The following PTPRG variants were observed in gnomAD, a reference collection of about 807,000 sequenced individuals.
The protein encoded by PTPRG is protein tyrosine phosphatase receptor type G.
In PTPRG, 102 loss-of-function variants were observed where a neutral mutation model predicts 165.3. The ratio of observed to expected loss-of-function variants is 0.62; its 90% CI spans 0.53 to 0.73. The LOEUF (loss-of-function observed/expected upper bound fraction) is 0.73, where lower values mean the gene tolerates loss of function less well. Ranked by LOEUF, PTPRG falls within the 30% of genes least tolerant of loss-of-function variation. The pLI is 0.00. For missense variants in PTPRG, 1,866 were observed against 1,861.4 expected, an observed-to-expected ratio of 1.00 and a Z score of -0.05; for synonymous variants, 675 against 669.5, an observed-to-expected ratio of 1.01 and a Z score of -0.13.
intron 5 of PTPRG, among the ~76,000 whole-genome samples, chr3:62,087,154 G>A (rs1436517542): frequency 6.6e-6 from 1 of 152,194 alleles, no homozygotes; most frequent in Non-Finnish European, 1.5e-5. Context: ...TAGGCACTCT[G>A]TAGTAACCTT....
intron 2 of PTPRG, among the ~76,000 whole-genome samples, chr3:61,931,485 C>T (rs535024427): frequency 2.4e-4 from 36 of 152,296 alleles, no homozygotes; most frequent in African/African-American, 7.9e-4. Context: ...CCACGTTACC[C>T]GTGCTGCCTC....
At chr3:62,116,520 A>G (rs1325601261) in intron 5 of PTPRG, among the ~76,000 whole-genome samples, 4 of 152,334 alleles carry the variant, frequency 2.6e-5, no homozygotes. Context: ...TTGGACAAAC[A>G]TGGGTGAATC....
intron 2 of PTPRG, among the ~76,000 whole-genome samples, chr3:61,863,874 T>A (rs891747723): frequency 1.6e-4 from 25 of 152,226 alleles, no homozygotes; most frequent in African/African-American, 6.0e-4. Flanking sequence ...GGGAATGACC[T>A]AGTATGAACG....
At chr3:61,764,017 A>G (rs1201112464) in intron 2 of PTPRG, among the ~76,000 whole-genome samples, 3 of 152,166 alleles carry the variant, frequency 2.0e-5, no homozygotes, top group Non-Finnish European at 4.4e-5. Flanking sequence ...AAACATTTCC[A>G]TCCTTGTAGG....
At chr3:62,144,643 C>T (rs1380965770) in intron 6 of PTPRG, among the ~76,000 whole-genome samples, 1 of 152,184 alleles carries the variant, frequency 6.6e-6, no homozygotes, top group East Asian at 1.9e-4. Context: ...CCAGGAAGGA[C>T]TGATGCTTAT....
At chr3:61,931,461 T>A (rs1382385101) in intron 2 of PTPRG, among the ~76,000 whole-genome samples, 1 of 152,192 alleles carries the variant, frequency 6.6e-6, no homozygotes, top group Non-Finnish European at 1.5e-5. Context: ...GATTCTTCCC[T>A]TACTAAGTCA....
chr3:62,077,891 A>T (rs1465246263), intron 4 of PTPRG, among the ~76,000 whole-genome samples: 9 of 151,532 alleles, frequency 5.9e-5, no homozygotes. Flanking sequence ...AATCCCAGCT[A>T]TTCGGCTGAG....
chr3:62,138,714 C>CAAAAAAAAAAAAA (rs563632840), intron 6 of PTPRG, among the ~76,000 whole-genome samples: 4 of 91,386 alleles, frequency 4.4e-5, no homozygotes, highest in Non-Finnish European at 6.1e-5. Flanking sequence ...GGCAAAGCTC[C>CAAAAAAAAAAAAA]AAAAAAAAAA....
chr3:61,615,738 C>T (rs762947347), intron 1 of PTPRG, among the ~76,000 whole-genome samples: 2 of 152,188 alleles, frequency 1.3e-5, no homozygotes, highest in African/African-American at 4.8e-5. Flanking sequence ...ATGCTCAGAT[C>T]TCTCCACATT....
intron 2 of PTPRG, among the ~76,000 whole-genome samples, chr3:61,819,218 G>C (rs1387961147): frequency 2.0e-5 from 3 of 152,166 alleles, no homozygotes; most frequent in Admixed American, 2.0e-4. Flanking sequence ...CTTCAACTAT[G>C]AAGATCATAT....
chr3:61,944,322 C>G (rs547320131), intron 2 of PTPRG, among the ~76,000 whole-genome samples: 1 of 152,150 alleles, frequency 6.6e-6, no homozygotes, highest in African/African-American at 2.4e-5. Context: ...TCCCTGTGAT[C>G]GGAGCGCATC....
intron 2 of PTPRG, among the ~76,000 whole-genome samples, chr3:61,754,589 G>A (rs1212050303): frequency 6.6e-6 from 1 of 152,100 alleles, no homozygotes; most frequent in African/African-American, 2.4e-5. Flanking sequence ...TGGACAAGTG[G>A]ATACACGGAT....
chr3:62,087,912 G>T lies in PTPRG; in HGVS notation c.615+9654G>T, dbSNP rs151317189. Among the ~76,000 whole-genome samples the T allele has an allele frequency of 2.4e-3, 370 of 152,272 alleles. 2 individuals carry two copies. Among genetic ancestry groups the T allele is most frequent in the African/African-American group, 7.9e-3 (330 of 41,546 alleles). On this transcript the variant is annotated intron_variant, in intron 5 of 29. Coordinates refer to ENST00000474889, the MANE Select transcript of PTPRG (RefSeq NM_002841.4). ...CTTCGATCCTAAATTATCTTAGGCT[G>T]TGTGTCTGTAATTATTTTATAGATT...
intron 2 of PTPRG, among the ~76,000 whole-genome samples, chr3:61,958,771 A>G (rs2040088798): frequency 6.6e-6 from 1 of 152,188 alleles, no homozygotes; most frequent in South Asian, 2.1e-4. Flanking sequence ...GTTGAATTGG[A>G]GATAGTCACA....
At chr3:61,963,385 A>G (rs967962) in intron 2 of PTPRG, among the ~76,000 whole-genome samples, 38,691 of 152,070 alleles carry the variant, frequency 0.25, 5,435 homozygotes, top group African/African-American at 0.37. Flanking sequence ...AGTAAAAGAT[A>G]TATATGGCAT....
intron 1 of PTPRG, among the ~76,000 whole-genome samples, chr3:61,740,476 T>C (rs1275108352): frequency 6.6e-6 from 1 of 152,228 alleles, no homozygotes; most frequent in East Asian, 1.9e-4. Flanking sequence ...TCTGAAGTTT[T>C]AAAACTGACA....
intron 1 of PTPRG, among the ~76,000 whole-genome samples, chr3:61,743,839 C>G (rs899511004): frequency 6.6e-6 from 1 of 152,200 alleles, no homozygotes; most frequent in Non-Finnish European, 1.5e-5. Flanking sequence ...TACATATTTT[C>G]ATAAGCATGC....
chr3:61,771,375 C>T (rs1173190532), intron 2 of PTPRG: 1 of 70,210 alleles, frequency 1.4e-5, no homozygotes, highest in Non-Finnish European at 3.2e-5. Context: ...TTGTCCTTTA[C>T]TTTCATCTAA....
At chr3:62,036,967 A>T in intron 4 of PTPRG, among the ~76,000 whole-genome samples, 1 of 121,614 alleles carries the variant, frequency 8.2e-6, no homozygotes, top group South Asian at 3.0e-4. Context: ...TCAGTGCTGC[A>T]CGTGCGCGCG....
Sources: allele counts gnomAD v4.1 joint callset (sites outside exome capture counted in the v4.1 genomes callset), GRCh38; gene constraint gnomAD v4.1.1; transcripts MANE v1.5; gene names NCBI Gene and HGNC (gene_info 2026-07-23, HGNC 2026-07-21).